NCMAP: variants seen among roughly 807,000 people sequenced by gnomAD.
The protein encoded by NCMAP is noncompact myelin-associated protein.
Under a neutral mutation model 7.8 loss-of-function variants are expected in NCMAP, and 8 were observed. The observed-to-expected ratio is 1.02, with a 90% CI of 0.60 to 1.84. The LOEUF (loss-of-function observed/expected upper bound fraction) is 1.84. NCMAP is among the 40% of genes most tolerant of loss of function. NCMAP has a pLI of 0.00. For missense variants in NCMAP, 112 were observed against 131.4 expected, an observed-to-expected ratio of 0.85 and a Z score of 0.72; for synonymous variants, 41 against 52.9, an observed-to-expected ratio of 0.78 and a Z score of 0.98.
chr1:24,593,129 G>A (rs1043324934), intron 1 of NCMAP, among the ~76,000 whole-genome samples: 3 of 151,596 alleles, frequency 2.0e-5, no homozygotes, highest in Non-Finnish European at 4.4e-5. Context: ...AGTGAGCCGA[G>A]ATTGTGCCAC....
At chr1:24,578,169 G>T (rs1229636611) in intron 1 of NCMAP, among the ~76,000 whole-genome samples, 3 of 149,634 alleles carry the variant, frequency 2.0e-5, no homozygotes, top group Non-Finnish European at 2.9e-5. Context: ...GGAGGCTGAG[G>T]CACGAGAACC....
intron 2 of NCMAP, among the ~76,000 whole-genome samples, chr1:24,600,324 A>AT (rs1486268907): frequency 6.9e-6 from 1 of 145,812 alleles, no homozygotes; most frequent in Admixed American, 6.9e-5. Flanking sequence ...CTAATTTTTA[A>AT]TTTTTTATTT....
rs1652814532 is a variant in NCMAP, at chr1:24,607,834, A to C, written c.*2087A>C. 6.6e-6 allele frequency: 1 copy of C among 152,478 alleles called. No homozygotes were observed. The highest frequency in any genetic ancestry group is 2.4e-5 in the African/African-American group (1 of 41,478). The allele number at this position is 152,478 out of a possible 1,614,324, so 9.4% of individuals were successfully genotyped here. On this transcript the variant is annotated 3_prime_UTR_variant, in exon 4 of 4. Coordinates refer to ENST00000374392, the MANE Select transcript of NCMAP (RefSeq NM_001010980.5). ...AGCCAAGATCGTGCCACTGCACTCC[A>C]GCCTGGGCAACAGAGTGAAACTGCA...
rs566143386 is a variant in NCMAP at position 24,596,844 on chromosome 1, A to T, written c.82+1332A>T. Reference sequence around the variant, plus strand: ...GTGAACTAGTGGCCCCGGAAGGAAAAATTTCAGGATGACTCTTCAGAAAAT... The same window carrying T: ...GTGAACTAGTGGCCCCGGAAGGAAATATTTCAGGATGACTCTTCAGAAAAT... On this transcript the variant is annotated intron_variant, in intron 2 of 3. Coordinates refer to ENST00000374392, the MANE Select transcript of NCMAP (RefSeq NM_001010980.5). 5.9e-5 allele frequency among the ~76,000 whole-genome samples: 9 copies of T among 152,266 alleles called. No homozygotes were observed. The East Asian group carries it at 1.7e-3, about 29-fold the overall frequency.
At chr1:24,577,628 C>T (rs774950440) in intron 1 of NCMAP, among the ~76,000 whole-genome samples, 2 of 151,760 alleles carry the variant, frequency 1.3e-5, no homozygotes, top group Non-Finnish European at 2.9e-5. Flanking sequence ...TGCTGGCACT[C>T]ATTTGGAGTT....
intron 1 of NCMAP, among the ~76,000 whole-genome samples, chr1:24,559,494 G>C (rs1391794271): frequency 6.6e-6 from 1 of 152,226 alleles, no homozygotes; most frequent in African/African-American, 2.4e-5. Flanking sequence ...GGAGCCAGAG[G>C]GGGAGCTGGC....
chr1:24,571,528 C>T (rs1470920860), intron 1 of NCMAP, among the ~76,000 whole-genome samples: 2 of 150,492 alleles, frequency 1.3e-5, no homozygotes, highest in East Asian at 3.9e-4. Context: ...TTATGTAACC[C>T]AGCATATTCC....
intron 1 of NCMAP, among the ~76,000 whole-genome samples, chr1:24,577,410 T>G (rs1651610098): frequency 7.1e-6 from 1 of 140,454 alleles, no homozygotes; most frequent in East Asian, 2.1e-4. Flanking sequence ...TGTTTTTTTT[T>G]TTTTTTTTTT....
chr1:24,588,805 T>C (rs1310735042), intron 1 of NCMAP, among the ~76,000 whole-genome samples: 2 of 151,782 alleles, frequency 1.3e-5, no homozygotes, highest in Admixed American at 6.6e-5. Context: ...GCAGGAGTAG[T>C]TGGGTAGGAG....
intron 1 of NCMAP, among the ~76,000 whole-genome samples, chr1:24,571,107 A>G (rs1288611802): frequency 1.3e-5 from 2 of 150,860 alleles, no homozygotes; most frequent in Non-Finnish European, 2.9e-5. Flanking sequence ...AGAGAAGGAC[A>G]GAGTGTGGTT....
intron 1 of NCMAP, among the ~76,000 whole-genome samples, chr1:24,590,623 C>T (rs1188728110): frequency 1.3e-5 from 2 of 152,094 alleles, no homozygotes; most frequent in African/African-American, 4.8e-5. Context: ...GTTTTAGAGA[C>T]AAGGTCTTGC....
At chr1:24,564,662 A>G (rs1651166130) in intron 1 of NCMAP, among the ~76,000 whole-genome samples, 1 of 152,100 alleles carries the variant, frequency 6.6e-6, no homozygotes, top group Admixed American at 6.6e-5. Context: ...AATGTTTTTT[A>G]AATGAGTACA....
chr1:24,565,574 GTGTGTGT>G (rs1428115281), intron 1 of NCMAP, among the ~76,000 whole-genome samples: 17 of 21,182 alleles, frequency 8.0e-4, no homozygotes, highest in African/African-American at 4.2e-3. Context: ...ATAGAAGATT[GTGTGTGT>G]GTGTGTGTGT....
intron 1 of NCMAP, among the ~76,000 whole-genome samples, chr1:24,563,016 T>C (rs928710897): frequency 1.3e-5 from 2 of 152,192 alleles, no homozygotes; most frequent in African/African-American, 4.8e-5. Flanking sequence ...AATTAGACAC[T>C]TGAGAAGTGC....
intron 1 of NCMAP, among the ~76,000 whole-genome samples, chr1:24,581,178 G>A (rs1651732463): frequency 6.6e-6 from 1 of 151,408 alleles, no homozygotes; most frequent in Non-Finnish European, 1.5e-5. Context: ...GAGCAGTGGT[G>A]CTATTTTGGC....
chr1:24,599,251 G>T (rs1392932624), intron 2 of NCMAP, among the ~76,000 whole-genome samples: 1 of 140,480 alleles, frequency 7.1e-6, no homozygotes, highest in Non-Finnish European at 1.5e-5. Flanking sequence ...CTGCACTCCA[G>T]CCTGGGCAAC....
rs1652725338 is a variant in NCMAP at position 24,606,174 on chromosome 1, C to T, written c.*427C>T. 6.3e-6 allele frequency: 1 copy of T among 158,334 alleles called. No homozygotes were observed. Among genetic ancestry groups the T allele is most frequent in the Admixed American group, 6.4e-5 (1 of 15,712 alleles). The allele number at this position is 158,334 out of a possible 1,614,324, so 9.8% of individuals were successfully genotyped here. ...GTATCCACTGCTTCACAGAGCAAAA[C>T]ATTCAATCCCATAACCAGGCACAGG... On this transcript the variant is annotated 3_prime_UTR_variant, in exon 4 of 4. Transcript: ENST00000374392.
intron 1 of NCMAP, among the ~76,000 whole-genome samples, chr1:24,570,832 T>A (rs750388808): frequency 2.1e-4 from 32 of 151,158 alleles, no homozygotes; most frequent in Middle Eastern, 3.4e-3. Flanking sequence ...CTCTAGCTCA[T>A]AATATATGAT....
At chr1:24,591,610 A>G (rs1307463143) in intron 1 of NCMAP, among the ~76,000 whole-genome samples, 4 of 152,150 alleles carry the variant, frequency 2.6e-5, no homozygotes, top group Non-Finnish European at 5.9e-5. Context: ...TTGGGGAGCA[A>G]TAGGGCATGG....
Sources: allele counts gnomAD v4.1 joint callset (sites outside exome capture counted in the v4.1 genomes callset), GRCh38; gene constraint gnomAD v4.1.1; transcripts MANE v1.5; gene names NCBI Gene and HGNC (gene_info 2026-07-23, HGNC 2026-07-21).